DST: variants seen among roughly 807,000 people sequenced by gnomAD.
DST encodes dystonin.
Under a neutral mutation model 875.2 loss-of-function variants are expected in DST, and 253 were observed. That is an observed-to-expected ratio of 0.29 (90% CI 0.26 to 0.32). The LOEUF is 0.32. DST is among the 10% of genes least tolerant of loss of function. The pLI is 1.00. For synonymous variants in DST, 3,124 were observed against 3,197.1 expected (o/e 0.98, Z 0.77); for missense variants, 8,287 against 9,111.6 (o/e 0.91, Z 3.68).
intron 4 of DST, among the ~76,000 whole-genome samples, chr6:56,819,667 T>C (rs1379137531): frequency 6.6e-6 from 1 of 152,112 alleles, no homozygotes; most frequent in Non-Finnish European, 1.5e-5. Context: ...CAGGAAATAT[T>C]TATGTACTTT....
At chr6:56,618,115 T>G in intron 36 of DST, 1 of 1,614,180 alleles carries the variant, frequency 6.2e-7, no homozygotes, top group South Asian at 1.1e-5. Flanking sequence ...TAATGGGGTT[T>G]GTCTCATCAA....
At position 56,605,507 on chromosome 6, in the gene DST, C is replaced by T. The variant is rs764756085; in HGVS notation, c.9121G>A (p.Asp3041Asn). ...GATGTTTCATCTTCTATTAGAATAT[C>T]ACTTTTGCCATCTCTCCCTTTAATG... ...DLIKGRDGKS[D>N]ILIEDETSIQ... is the part of the protein sequence containing the mutation. The change falls in exon 40 of 104, where the codon GAT becomes AAT. Residue 3041 changes from aspartate (D) to asparagine (N), a missense_variant. Transcript: ENST00000680361. 2 of 1,612,802 alleles carry T rather than the reference C, an allele frequency of 1.2e-6. No individual in the cohort carries two copies. The highest frequency in any genetic ancestry group is 1.7e-6 in the Non-Finnish European group (2 of 1,179,306).
chr6:56,628,328 G>A (rs1036544380), intron 32 of DST, among the ~76,000 whole-genome samples, 167 bp from the exon 33 acceptor site: 8 of 152,142 alleles, frequency 5.3e-5, no homozygotes, highest in African/African-American at 1.9e-4. Context: ...ACCCCCAAGG[G>A]CATTCCTTAT....
intron 92 of DST, among the ~76,000 whole-genome samples, 195 bp downstream of exon 92, chr6:56,475,953 TG>T (rs1366892666): frequency 2.6e-5 from 4 of 152,132 alleles, no homozygotes; most frequent in Non-Finnish European, 5.9e-5. Context: ...AGGAAAGTTT[TG>T]CAAAGGTCAC....
intron 102 of DST, chr6:56,461,008 A>G (rs2094301677): frequency 6.6e-6 from 1 of 152,340 alleles, no homozygotes; most frequent in African/African-American, 2.4e-5. Context: ...AAATTCTCCC[A>G]AAGTTAAAAA....
intron 3 of DST, among the ~76,000 whole-genome samples, chr6:56,869,725 C>T (rs902184725): frequency 1.3e-5 from 2 of 152,074 alleles, no homozygotes; most frequent in Non-Finnish European, 2.9e-5. Flanking sequence ...GACAGGGAAT[C>T]GCTCTGTCAC....
At chr6:56,822,495 G>T (rs1409670902) in intron 4 of DST, among the ~76,000 whole-genome samples, 1 of 152,158 alleles carries the variant, frequency 6.6e-6, no homozygotes, top group Non-Finnish European at 1.5e-5. Context: ...TCTGCAAGGG[G>T]TTGCATTCTT....
chr6:56,460,056 A>C (rs765407320), intron 103 of DST, 75 bp downstream of exon 103: 1 of 1,489,330 alleles, frequency 6.7e-7, no homozygotes, highest in Admixed American at 2.2e-5. Context: ...TTCCCCAATG[A>C]GGAGGAAAAG....
intron 50 of DST, among the ~76,000 whole-genome samples, chr6:56,576,887 T>TAA: frequency 6.6e-6 from 1 of 152,152 alleles, no homozygotes; most frequent in African/African-American, 2.4e-5. Context: ...TGGAAATAAA[T>TAA]GTATGTTGTT....
At chr6:56,835,503 A>G (rs1030784311) in intron 4 of DST, among the ~76,000 whole-genome samples, 2 of 152,174 alleles carry the variant, frequency 1.3e-5, no homozygotes, top group Admixed American at 1.3e-4. Context: ...TATAAACCTA[A>G]AACTGCTCTA....
chr6:56,704,636 T>A (rs2099325781), intron 5 of DST, among the ~76,000 whole-genome samples: 1 of 152,208 alleles, frequency 6.6e-6, no homozygotes, highest in Non-Finnish European at 1.5e-5. Context: ...GACTACTACA[T>A]GGGGTTACAA....
intron 4 of DST, among the ~76,000 whole-genome samples, chr6:56,762,631 T>C (rs1473735788): frequency 6.6e-6 from 1 of 152,198 alleles, no homozygotes; most frequent in African/African-American, 2.4e-5. Flanking sequence ...CAGTTTCACT[T>C]AAGAGTCACC....
intron 84 of DST, 145 bp from the exon 85 acceptor site, chr6:56,492,578 A>G: frequency 1.1e-6 from 1 of 880,374 alleles, no homozygotes; most frequent in Non-Finnish European, 1.7e-6. Flanking sequence ...GACTTTAAAA[A>G]GGCCTGCTGT....
Position 56,552,938 on chromosome 6 carries a change from G to A in DST, c.15854C>T (p.Ser5285Phe), listed in dbSNP as rs1262004960. ...CTTTGCACACTGAAGCTGCCTTTTA[G>A]ATTCTTTGGAAACTTCTTGAAATTC... The part of the protein sequence containing the change: ...FKEFQEVSKE[S>F]KRQLQCAKEQ... Residue 5285 changes from serine to phenylalanine, a missense_variant, in exon 61 of 104, where the codon TCT (serine) becomes TTT (phenylalanine). Around this residue, in one of 10 missense-constraint regions of DST, gnomAD observed 1,513 missense variants for 1,677.8 expected, o/e 0.90. Transcript: ENST00000680361. The A allele has an allele frequency of 5.0e-6, 8 of 1,613,988 alleles. No individual in the cohort carries two copies. Among genetic ancestry groups the A allele is most frequent in the Non-Finnish European group, 6.8e-6 (8 of 1,179,880 alleles).
intron 9 of DST, among the ~76,000 whole-genome samples, chr6:56,684,618 A>G (rs2099171452): frequency 1.3e-5 from 2 of 152,224 alleles, no homozygotes; most frequent in African/African-American, 4.8e-5. Context: ...ATTCTGGTAC[A>G]GAATTTACAA....
At chr6:56,497,570 G>C in intron 81 of DST, 63 bp from the exon 82 acceptor site, 1 of 1,571,982 alleles carries the variant, frequency 6.4e-7, no homozygotes, top group Non-Finnish European at 8.6e-7. Context: ...CAGGAAATAA[G>C]CTTCAAACAA....
chr6:56,686,365 T>C (rs890473121), intron 9 of DST, among the ~76,000 whole-genome samples: 3 of 152,168 alleles, frequency 2.0e-5, no homozygotes, highest in African/African-American at 7.2e-5. Context: ...GACAGGATCA[T>C]TGGAAGCTCT....
chr6:56,847,156 A>G (rs2099808065), intron 4 of DST, among the ~76,000 whole-genome samples: 3 of 151,830 alleles, frequency 2.0e-5, no homozygotes, highest in South Asian at 2.1e-4. Flanking sequence ...CATCTCTATA[A>G]AAAAAAATTT....
chr6:56,506,614 T>C, intron 76 of DST, 53 bp downstream of exon 76: 1 of 1,609,930 alleles, frequency 6.2e-7, no homozygotes. Context: ...ACAAAATATT[T>C]TAGTTAACTA....
Sources: gnomAD v4.1 joint callset for allele counts (sites outside exome capture counted in the v4.1 genomes callset) on GRCh38, gnomAD v4.1.1 for gene constraint, gnomAD v4.1.1 regional missense constraint, MANE v1.5 for transcripts, NCBI Gene and HGNC (gene_info 2026-07-23, HGNC 2026-07-21) for gene names.